GRIN2A: variants seen among roughly 807,000 people sequenced by gnomAD.
GRIN2A encodes the protein glutamate ionotropic receptor NMDA type subunit 2A.
In GRIN2A, 22 loss-of-function variants were observed where a neutral mutation model predicts 113.4. That is an observed-to-expected ratio of 0.19 (90% CI 0.14 to 0.28). GRIN2A has a LOEUF of 0.28. GRIN2A is among the 10% of genes least tolerant of loss of function. The pLI is 1.00. For missense variants in GRIN2A, 1,502 were observed against 1,887.0 expected (o/e 0.80, Z 3.78); for synonymous variants, 827 against 738.4 (o/e 1.12, Z -1.94).
intron 12 of GRIN2A, among the ~76,000 whole-genome samples, chr16:9,766,752 AAATCAATC>A (rs574207789): frequency 1.3e-5 from 2 of 151,848 alleles, no homozygotes; most frequent in Non-Finnish European, 2.9e-5. Context: ...AAATCAAATC[AAATCAATC>A]AATCAATCAA....
chr16:9,796,126 T>C (rs758699669), intron 11 of GRIN2A, among the ~76,000 whole-genome samples: 2 of 152,208 alleles, frequency 1.3e-5, no homozygotes, highest in African/African-American at 2.4e-5. Context: ...TCCCTAAATA[T>C]GTTAGCTGTT....
chr16:10,060,810 T>A (rs1279418460), intron 2 of GRIN2A, among the ~76,000 whole-genome samples: 1 of 152,078 alleles, frequency 6.6e-6, no homozygotes, highest in African/African-American at 2.4e-5. Flanking sequence ...TCTTTACGAG[T>A]GCAAGCTATA....
chr16:9,986,813 T>C (rs928996214), intron 2 of GRIN2A, among the ~76,000 whole-genome samples: 2 of 152,010 alleles, frequency 1.3e-5, no homozygotes, highest in African/African-American at 4.8e-5. Flanking sequence ...GTCAGTATTT[T>C]ATCTTTCAAG....
At chr16:9,783,745 A>C (rs1329389253) in intron 11 of GRIN2A, among the ~76,000 whole-genome samples, 1 of 152,220 alleles carries the variant, frequency 6.6e-6, no homozygotes, top group Non-Finnish European at 1.5e-5. Context: ...TGATATGTGT[A>C]CTCAACGTCT....
chr16:10,030,125 T>C lies in GRIN2A; in HGVS notation c.415-91574A>G, dbSNP rs190106884. On this transcript the variant is annotated intron_variant, in intron 2 of 12. Coordinates refer to ENST00000330684, the MANE Select transcript of GRIN2A (RefSeq NM_001134407.3). ...GGCTATGTGCAAGCTGGGCTGCCTATGGACAGGAAGGGATCATTTTCAGAG... is the reference window on the plus strand; with the variant it reads ...GGCTATGTGCAAGCTGGGCTGCCTACGGACAGGAAGGGATCATTTTCAGAG... Among the ~76,000 whole-genome samples, 17 of 152,296 alleles carry C rather than the reference T, an allele frequency of 1.1e-4. 1 individual carries two copies. In the East Asian group the frequency reaches 3.1e-3, roughly 28 times the overall value.
intron 2 of GRIN2A, among the ~76,000 whole-genome samples, chr16:10,003,094 G>A (rs188752725): frequency 6.0e-4 from 91 of 152,316 alleles, no homozygotes; most frequent in Admixed American, 2.1e-3. Context: ...CATGGGAAGC[G>A]AATACGAGGC....
chr16:9,945,461 T>C (rs2044996444), intron 2 of GRIN2A, among the ~76,000 whole-genome samples: 1 of 152,018 alleles, frequency 6.6e-6, no homozygotes, highest in Non-Finnish European at 1.5e-5. Context: ...TGGTGAGACA[T>C]GAGTTAGGAC....
intron 2 of GRIN2A, among the ~76,000 whole-genome samples, chr16:10,014,209 C>T (rs1276462666): frequency 6.6e-6 from 1 of 152,102 alleles, no homozygotes; most frequent in Non-Finnish European, 1.5e-5. Context: ...AATGAAAACT[C>T]CAGTTTTTGG....
At chr16:9,802,642 C>T (rs1312057092) in intron 10 of GRIN2A, among the ~76,000 whole-genome samples, 1 of 152,112 alleles carries the variant, frequency 6.6e-6, no homozygotes, top group Non-Finnish European at 1.5e-5. Context: ...AGACAAGGTT[C>T]AGAAAGCCTA....
At chr16:10,178,834 C>G (rs1288358259) in intron 2 of GRIN2A, among the ~76,000 whole-genome samples, 1 of 152,178 alleles carries the variant, frequency 6.6e-6, no homozygotes, top group Non-Finnish European at 1.5e-5. Context: ...TGAATGTCTG[C>G]TCACTCCACT....
At chr16:10,175,947 C>G (rs983247363) in intron 2 of GRIN2A, among the ~76,000 whole-genome samples, 1 of 151,642 alleles carries the variant, frequency 6.6e-6, no homozygotes, top group Admixed American at 6.6e-5. Context: ...AAGATTAGAA[C>G]TTCATCTACA....
chr16:10,117,061 G>GAA (rs111371826), intron 2 of GRIN2A, among the ~76,000 whole-genome samples: 30 of 139,896 alleles, frequency 2.1e-4, no homozygotes, highest in Non-Finnish European at 3.3e-4. Flanking sequence ...TCAAGTGACT[G>GAA]AAAAAAAAAA....
chr16:10,147,567 G>A (rs2049469871), intron 2 of GRIN2A, among the ~76,000 whole-genome samples: 1 of 151,220 alleles, frequency 6.6e-6, no homozygotes, highest in Non-Finnish European at 1.5e-5. Flanking sequence ...GCCTGGTAGG[G>A]CAGAGCTTGC....
intron 2 of GRIN2A, among the ~76,000 whole-genome samples, chr16:10,164,655 A>G (rs1426430201): frequency 6.6e-6 from 1 of 151,942 alleles, no homozygotes; most frequent in East Asian, 1.9e-4. Context: ...TAATCATAGA[A>G]CTCCCCGCCA....
intron 2 of GRIN2A, among the ~76,000 whole-genome samples, chr16:10,072,651 C>T (rs2047778095): frequency 2.0e-5 from 3 of 152,278 alleles, no homozygotes; most frequent in South Asian, 4.1e-4. Flanking sequence ...TAAGGCAGTG[C>T]CTCTAAAGAC....
At chr16:9,993,615 G>A (rs1354682802) in intron 2 of GRIN2A, among the ~76,000 whole-genome samples, 2 of 152,024 alleles carry the variant, frequency 1.3e-5, no homozygotes, top group Non-Finnish European at 2.9e-5. Context: ...AAAAATTGAG[G>A]CTCTTCCATT....
Position 10,073,975 on chromosome 16 carries a change from T to C in GRIN2A, c.414+106023A>G, listed in dbSNP as rs370867198. 3.3e-5 allele frequency among the ~76,000 whole-genome samples: 5 copies of C among 149,996 alleles called. No homozygotes were observed. The East Asian group carries it at 7.8e-4, about 23-fold the overall frequency. Reference sequence around the variant, plus strand: ...ACACACAGAAAATATTTGCAAATTATATATCTCATAAAAGTCTAGTATCCA... The same window carrying C: ...ACACACAGAAAATATTTGCAAATTACATATCTCATAAAAGTCTAGTATCCA... On this transcript the variant is annotated intron_variant, in intron 2 of 12. Coordinates refer to ENST00000330684, the MANE Select transcript of GRIN2A (RefSeq NM_001134407.3).
chr16:10,169,534 T>G (rs1384760030), intron 2 of GRIN2A, among the ~76,000 whole-genome samples: 1 of 152,102 alleles, frequency 6.6e-6, no homozygotes. Context: ...TTTCTCTCCC[T>G]TTTTTTCCAG....
intron 2 of GRIN2A, among the ~76,000 whole-genome samples, chr16:10,175,910 A>C (rs769596704): frequency 6.6e-6 from 1 of 152,128 alleles, no homozygotes; most frequent in Non-Finnish European, 1.5e-5. Flanking sequence ...TTTCACTTAG[A>C]CAGGGTCAAA....
Sources: allele counts gnomAD v4.1 joint callset (sites outside exome capture counted in the v4.1 genomes callset), GRCh38; gene constraint gnomAD v4.1.1; transcripts MANE v1.5; gene names NCBI Gene and HGNC (gene_info 2026-07-23, HGNC 2026-07-21).